Variants in SLC6A11 observed in about 807,000 individuals in gnomAD.
The protein encoded by SLC6A11 is sodium- and chloride-dependent GABA transporter 3.
In SLC6A11, 25 loss-of-function variants were observed where a neutral mutation model predicts 74.8. The ratio of observed to expected loss-of-function variants is 0.33; its 90% CI spans 0.24 to 0.47. SLC6A11 has a LOEUF of 0.47. Among genes scored for constraint, SLC6A11 ranks in the 20% least tolerant of loss-of-function variants. SLC6A11 has a pLI of 1.00. For missense variants in SLC6A11, 574 were observed against 837.0 expected (o/e 0.69, Z 3.88); for synonymous variants, 330 against 330.2 (o/e 1.00, Z 0.01).
chr3:10,938,176 TG>T, intron 13 of SLC6A11, 73 bp from the exon 14 acceptor site: 1 of 1,409,740 alleles, frequency 7.1e-7, no homozygotes, highest in Middle Eastern at 2.3e-4. Flanking sequence ...GCCGTGTGCT[TG>T]GGAGAGGCCA....
At chr3:10,849,199 T>A (rs1380282544) in intron 5 of SLC6A11, among the ~76,000 whole-genome samples, 1 of 152,216 alleles carries the variant, frequency 6.6e-6, no homozygotes, top group Non-Finnish European at 1.5e-5. Flanking sequence ...TATTAAGTCC[T>A]GAGAAAACAC....
chr3:10,821,417 G>T (rs141313783), intron 3 of SLC6A11, among the ~76,000 whole-genome samples: 70 of 152,340 alleles, frequency 4.6e-4, no homozygotes, highest in Non-Finnish European at 8.4e-4. Flanking sequence ...TTAGTACTAA[G>T]TGAAGTCCAG....
chr3:10,931,673 A>G (rs1362510884), intron 10 of SLC6A11, among the ~76,000 whole-genome samples: 1 of 152,218 alleles, frequency 6.6e-6, no homozygotes, highest in African/African-American at 2.4e-5. Context: ...CTGGCCTCAC[A>G]GCTGCATTCC....
At chr3:10,894,141 A>G (rs1419845417) in intron 6 of SLC6A11, among the ~76,000 whole-genome samples, 13 of 152,096 alleles carry the variant, frequency 8.5e-5, no homozygotes, top group Non-Finnish European at 2.9e-5. Context: ...ACAGCCCTGC[A>G]TGTTTACCCA....
At chr3:10,892,487 G>A (rs1038315043) in intron 6 of SLC6A11, among the ~76,000 whole-genome samples, 3 of 151,930 alleles carry the variant, frequency 2.0e-5, no homozygotes, top group African/African-American at 7.3e-5. Context: ...CTCCACCACC[G>A]ACCTTGAACT....
intron 4 of SLC6A11, among the ~76,000 whole-genome samples, chr3:10,843,537 C>T (rs1280046791): frequency 6.6e-6 from 1 of 152,140 alleles, no homozygotes; most frequent in East Asian, 1.9e-4. Context: ...GGAAGCTCTC[C>T]CTGACCCCCT....
At chr3:10,881,404 A>T (rs1005075674) in intron 6 of SLC6A11, among the ~76,000 whole-genome samples, 1 of 152,232 alleles carries the variant, frequency 6.6e-6, no homozygotes, top group Admixed American at 6.5e-5. Flanking sequence ...GGACAAAGCG[A>T]GACTCCGTCT....
intron 6 of SLC6A11, among the ~76,000 whole-genome samples, chr3:10,882,424 C>G (rs1357458182): frequency 6.6e-6 from 1 of 152,126 alleles, no homozygotes; most frequent in Non-Finnish European, 1.5e-5. Flanking sequence ...GTCTTCCCAG[C>G]TTGCACTCAT....
chr3:10,854,398 A>G (rs1313939998), intron 5 of SLC6A11, among the ~76,000 whole-genome samples: 2 of 152,140 alleles, frequency 1.3e-5, no homozygotes, highest in East Asian at 3.8e-4. Flanking sequence ...TCAAAAAATA[A>G]ATAAATAAAT....
intron 5 of SLC6A11, among the ~76,000 whole-genome samples, chr3:10,851,296 T>A (rs1009532411): frequency 1.3e-5 from 2 of 152,068 alleles, no homozygotes; most frequent in African/African-American, 4.8e-5. Flanking sequence ...ATTGCCACTT[T>A]AAAGGAAGCT....
Position 10,868,776 on chromosome 3 carries a change from G to A in SLC6A11, c.757-6185G>A, listed in dbSNP as rs563019243. ...TGCCTGAACCCTGCTGTGGCCTCTT[G>A]CCTCTTCCAGACAAATTCTAGGGCC... On this transcript the variant is annotated intron_variant, in intron 5 of 13. Transcript: ENST00000254488. Among the ~76,000 whole-genome samples the A allele has an allele frequency of 1.8e-3, 273 of 152,308 alleles. 1 individual carries two copies. The highest frequency in any genetic ancestry group is 6.2e-3 in the African/African-American group (258 of 41,562).
At chr3:10,912,026 A>G (rs1695394353) in intron 6 of SLC6A11, 64 bp from the exon 7 acceptor site, 2 of 1,095,488 alleles carry the variant, frequency 1.8e-6, no homozygotes. Flanking sequence ...TTCAGAGACC[A>G]GGGCTACCCT....
At chr3:10,928,092 A>T (rs1275492661) in intron 9 of SLC6A11, among the ~76,000 whole-genome samples, 2 of 152,232 alleles carry the variant, frequency 1.3e-5, no homozygotes, top group Non-Finnish European at 2.9e-5. Flanking sequence ...ATAATAGTAC[A>T]GACCATGTAG....
At chr3:10,834,227 T>C (rs1694336522) in intron 4 of SLC6A11, among the ~76,000 whole-genome samples, 1 of 152,260 alleles carries the variant, frequency 6.6e-6, no homozygotes, top group East Asian at 1.9e-4. Flanking sequence ...CGTTCCAGGC[T>C]TCTTCCTGTG....
chr3:10,906,916 C>T (rs938572997), intron 6 of SLC6A11, among the ~76,000 whole-genome samples: 1 of 152,214 alleles, frequency 6.6e-6, no homozygotes, highest in African/African-American at 2.4e-5. Flanking sequence ...GGACCACTCT[C>T]ATTCCTCTAC....
chr3:10,898,855 T>TGC lies in SLC6A11; in HGVS notation c.892-13235_892-13234insGC, dbSNP rs201534750. ...TATTAGTCCATTTTCACGTTGCTGA[T>TGC]AAAGACATACCTGAGACTGGGCAAT... On this transcript the variant is annotated intron_variant, in intron 6 of 13. Coordinates refer to ENST00000254488, the MANE Select transcript of SLC6A11 (RefSeq NM_014229.3). Among the ~76,000 whole-genome samples the TGC allele has an allele frequency of 5.2e-3, 797 of 152,318 alleles. 9 individuals carry two copies. The highest frequency in any genetic ancestry group is 0.018 in the African/African-American group (751 of 41,570).
At chr3:10,825,296 G>T (rs562838864) in intron 4 of SLC6A11, 1 of 152,260 alleles carries the variant, frequency 6.6e-6, no homozygotes, top group Non-Finnish European at 1.5e-5. Flanking sequence ...AGTGTAATGG[G>T]CATTAAATGA....
chr3:10,939,423 G>A lies in SLC6A11; in HGVS notation c.*1021G>A, dbSNP rs1471036613. 6.6e-6 allele frequency: 1 copy of A among 152,478 alleles called. No homozygotes were observed. Among genetic ancestry groups the A allele is most frequent in the African/African-American group, 2.4e-5 (1 of 41,430 alleles). The allele number at this position is 152,478 out of a possible 1,614,324, so 9.4% of individuals were successfully genotyped here. A position where few individuals can be genotyped will look rare whatever the true frequency, so the allele number is the denominator to read the frequency against. On this transcript the variant is annotated 3_prime_UTR_variant, in exon 14 of 14. Coordinates refer to ENST00000254488, the MANE Select transcript of SLC6A11 (RefSeq NM_014229.3). The stretch of plus-strand genomic sequence containing the variant: ...GTTGCTGTGGGGACTGATTTTCTGG[G>A]TGGGGAAGCAGCCATCTATTCTTGC...
At chr3:10,934,225 C>A in intron 12 of SLC6A11, 59 bp downstream of exon 12, 1 of 1,176,416 alleles carries the variant, frequency 8.5e-7, no homozygotes, top group Non-Finnish European at 1.3e-6. Flanking sequence ...CCCTCCAACC[C>A]ACGTTTCCAC....
Sources: allele counts gnomAD v4.1 joint callset (sites outside exome capture counted in the v4.1 genomes callset), GRCh38; gene constraint gnomAD v4.1.1; transcripts MANE v1.5; gene names NCBI Gene and HGNC (gene_info 2026-07-23, HGNC 2026-07-21).